Variants in PML observed in about 807,000 individuals in gnomAD.
The protein encoded by PML is protein PML.
Under a neutral mutation model 65.2 loss-of-function variants are expected in PML, and 28 were observed. The ratio of observed to expected loss-of-function variants is 0.43; its 90% CI spans 0.32 to 0.59. The LOEUF (loss-of-function observed/expected upper bound fraction) is 0.59, where lower values mean the gene tolerates loss of function less well. PML is among the 20% of genes least tolerant of loss of function. PML has a pLI of 0.08. For missense variants in PML, 1,021 were observed against 1,203.4 expected (o/e 0.85, Z 2.24); for synonymous variants, 500 against 508.8 (o/e 0.98, Z 0.23).
At chr15:74,016,792 CTTT>C (rs535665071) in intron 2 of PML, among the ~76,000 whole-genome samples, 8 of 77,646 alleles carry the variant, frequency 1.0e-4, no homozygotes, top group South Asian at 5.5e-4. Flanking sequence ...GCAGTGGCAT[CTTT>C]TTTTTTTTTT....
chr15:74,016,991 G>A (rs1394648552), intron 2 of PML, among the ~76,000 whole-genome samples: 1 of 151,148 alleles, frequency 6.6e-6, no homozygotes, highest in Non-Finnish European at 1.5e-5. Context: ...TAGAGATGGG[G>A]TTTCACCATG....
Position 74,035,970 on chromosome 15 carries a change from G to A in PML, c.1710+1440G>A. 6.2e-7 allele frequency: 1 copy of A among 1,614,076 alleles called. No individual in the cohort carries two copies. The highest frequency in any genetic ancestry group is 8.5e-7 in the Non-Finnish European group (1 of 1,180,044). On this transcript the variant is annotated intron_variant, in intron 7 of 8. Coordinates refer to ENST00000268058, the MANE Select transcript of PML (RefSeq NM_033238.3). This position sits in a 1 kb window ranked among gnomAD's most constrained non-coding sequence, Gnocchi z 4.1. ...CCTCTGAGAGTGCTACCCTTCTCTT[G>A]TAACCTTGCAGCCAACACCCCTGCC...
intron 2 of PML, among the ~76,000 whole-genome samples, chr15:74,019,236 G>A (rs756788155): frequency 6.6e-6 from 1 of 152,176 alleles, no homozygotes; most frequent in Non-Finnish European, 1.5e-5. Flanking sequence ...CATCCAGAAC[G>A]TCTTGCTCTC....
chr15:74,029,633 A>AT, intron 4 of PML, among the ~76,000 whole-genome samples: 1 of 151,106 alleles, frequency 6.6e-6, no homozygotes, highest in Middle Eastern at 3.4e-3. Context: ...TCAAAAAAAA[A>AT]GAAAGAAAGA....
intron 1 of PML, among the ~76,000 whole-genome samples, chr15:73,995,802 T>C (rs2069460840): frequency 6.6e-6 from 1 of 152,234 alleles, no homozygotes; most frequent in African/African-American, 2.4e-5. Flanking sequence ...TCGCCCAGGC[T>C]GGAGTGCAAT....
intron 4 of PML, 44 bp from the exon 5 acceptor site, chr15:74,032,528 G>C: frequency 1.2e-6 from 2 of 1,613,142 alleles, no homozygotes; most frequent in South Asian, 2.2e-5. Flanking sequence ...TGGCCCTGGG[G>C]CTGCTGCCTA....
At chr15:74,001,431 C>T (rs1216442414) in intron 2 of PML, among the ~76,000 whole-genome samples, 1 of 151,770 alleles carries the variant, frequency 6.6e-6, no homozygotes, top group Admixed American at 6.6e-5. Context: ...CCTGTGCCTC[C>T]TGGGTTCAAG....
Position 74,036,063 on chromosome 15 carries a change from C to A in PML, c.1710+1533C>A, listed in dbSNP as rs779759818. The A allele has an allele frequency of 5.0e-6, 8 of 1,613,920 alleles. No homozygotes were observed. The African/African-American group carries it at 1.1e-4, about 22-fold the overall frequency. Reference sequence around the variant, plus strand: ...CTGCACAGAGTAGCACTCATTAATTCTTGGTTAAGGAATGAATCAACGAAT... The same window carrying A: ...CTGCACAGAGTAGCACTCATTAATTATTGGTTAAGGAATGAATCAACGAAT... On this transcript the variant is annotated intron_variant, in intron 7 of 8. Transcript: ENST00000268058.
intron 1 of PML, 75 bp from the exon 2 acceptor site, chr15:73,997,929 C>T: frequency 7.9e-7 from 1 of 1,267,076 alleles, no homozygotes; most frequent in Non-Finnish European, 1.2e-6. Flanking sequence ...CAGGGTCCAG[C>T]TGTAAGGGTG....
At chr15:74,032,516 C>A (rs1299487313) in intron 4 of PML, 56 bp from the exon 5 acceptor site, 1 of 1,606,976 alleles carries the variant, frequency 6.2e-7, no homozygotes, top group African/African-American at 1.3e-5. Context: ...GTCTGGGGTA[C>A]CTGGCCCTGG....
rs180810170 is a variant in PML, at chr15:74,020,402, A to G, written c.603-2426A>G. ...CCTCCTGGGTTCAAGCAGTTCTCCCACCTCAGCCTCCCAAGTAGCTGGGAT... is the reference window on the plus strand; with the variant it reads ...CCTCCTGGGTTCAAGCAGTTCTCCCGCCTCAGCCTCCCAAGTAGCTGGGAT... On this transcript the variant is annotated intron_variant, in intron 2 of 8. Transcript: ENST00000268058. Among the ~76,000 whole-genome samples, 16 of 146,374 alleles carry G rather than the reference A, an allele frequency of 1.1e-4. No individual in the cohort carries two copies. The East Asian group carries it at 3.2e-3, about 30-fold the overall frequency.
Position 74,043,838 on chromosome 15 carries a change from G to T in PML, c.1862-383G>T. On this transcript the variant is annotated intron_variant, in intron 8 of 8. Transcript: ENST00000268058. The surrounding 1 kb of genome is among the most constrained non-coding windows in gnomAD (Gnocchi z 4.3). ...TCTGACTGGGCTGGGGTCCTTGAGG[G>T]GATTGGAGGAAGGAGCATGGGATGG... 1.9e-6 allele frequency: 1 copy of T among 526,354 alleles called. No individual in the cohort carries two copies. Among genetic ancestry groups the T allele is most frequent in the South Asian group, 1.5e-5 (1 of 67,612 alleles). The allele number at this position is 526,354 out of a possible 1,614,324, so 32.6% of individuals were successfully genotyped here.
intron 6 of PML, chr15:74,034,206 A>G (rs555369588): frequency 2.7e-4 from 143 of 530,314 alleles, no homozygotes; most frequent in Non-Finnish European, 4.0e-4. Context: ...CCTCCTGTAC[A>G]GGGGGCAAAT....
rs950465121 is a variant in PML at position 74,032,552 on chromosome 15, C to T, written c.1255-20C>T. ...GGCTGCTGCCTAGTCATTTCTGACT[C>T]AATTTTCCCAACTTTGCAGCCCGAG... is the stretch of plus-strand genomic sequence containing the variant. On this transcript the variant is annotated intron_variant, in intron 4 of 8. Transcript: ENST00000268058. The T allele has an allele frequency of 1.9e-5, 31 of 1,613,830 alleles. No individual in the cohort carries two copies. The highest frequency in any genetic ancestry group is 2.6e-5 in the Non-Finnish European group (31 of 1,179,922).
intron 7 of PML, chr15:74,034,765 GT>G: frequency 6.8e-7 from 1 of 1,469,556 alleles, no homozygotes; most frequent in Non-Finnish European, 9.0e-7. Flanking sequence ...CTGATAGCAT[GT>G]GTCCAGAGCC....
In PML at chr15:73,994,845, C is replaced by A; in HGVS notation, c.33C>A (p.Pro11=). 1 of 1,559,116 alleles carries A rather than the reference C, an allele frequency of 6.4e-7. No individual in the cohort carries two copies. The highest frequency in any genetic ancestry group is 8.7e-7 in the Non-Finnish European group (1 of 1,151,226). The change falls in exon 1 of 9, where the codon CCC becomes CCA. Residue 11 remains proline, a synonymous_variant. Transcript: ENST00000268058. ...CTGCACCCGCCCGATCTCCGAGGCCCCAGCAGGACCCCGCCCGGCCCCAGG... is the reference window on the plus strand; with the variant it reads ...CTGCACCCGCCCGATCTCCGAGGCCACAGCAGGACCCCGCCCGGCCCCAGG... The part of the protein sequence containing the change: MEPAPARSPR[P]QQDPARPQEP...
Position 74,043,237 on chromosome 15 carries a change from C to T in PML, c.1861+98C>T. 7 of 1,606,654 alleles carry T rather than the reference C, an allele frequency of 4.4e-6. No homozygotes were observed. The highest frequency in any genetic ancestry group is 5.9e-6 in the Non-Finnish European group (7 of 1,176,490). On this transcript the variant is annotated intron_variant, in intron 8 of 8. Transcript: ENST00000268058. This position sits in a 1 kb window ranked among gnomAD's most constrained non-coding sequence, Gnocchi z 4.3. Reference sequence around the variant, plus strand: ...GCCATCTGCCAGGCCCAGGAGAGCTCTGAGCTCTGGCCAACAACTGCAGCC... The same window carrying T: ...GCCATCTGCCAGGCCCAGGAGAGCTTTGAGCTCTGGCCAACAACTGCAGCC...
At chr15:74,036,196 C>G in intron 7 of PML, 1 of 1,589,632 alleles carries the variant, frequency 6.3e-7, no homozygotes, top group South Asian at 1.1e-5. Flanking sequence ...GGCCTCTTTG[C>G]CCAAGAAAGA....
At chr15:74,031,183 G>C (rs1275733180) in intron 4 of PML, 2 of 374,520 alleles carry the variant, frequency 5.3e-6, no homozygotes, top group African/African-American at 2.1e-5. Flanking sequence ...TCTGCTTTCT[G>C]TGTCTATGGA....
Sources: gnomAD v4.1 joint callset for allele counts (sites outside exome capture counted in the v4.1 genomes callset) on GRCh38, gnomAD v4.1.1 for gene constraint, Gnocchi (gnomAD v3.1) non-coding constraint, MANE v1.5 for transcripts, NCBI Gene and HGNC (gene_info 2026-07-23, HGNC 2026-07-21) for gene names.